The following MARCHF3 variants were observed in gnomAD, a reference collection of about 807,000 sequenced individuals.
The protein encoded by MARCHF3 is E3 ubiquitin-protein ligase MARCHF3.
MARCHF3 carries 13 observed loss-of-function variants against 24.2 expected under a neutral mutation model. The observed-to-expected ratio is 0.54, with a 90% CI of 0.35 to 0.85. The LOEUF is 0.85. Ranked by LOEUF, MARCHF3 falls within the 40% of genes least tolerant of loss-of-function variation. The pLI is 0.01. For synonymous variants in MARCHF3, 144 were observed against 137.3 expected, an observed-to-expected ratio of 1.05 and a Z score of -0.34; for missense variants, 276 against 325.0, an observed-to-expected ratio of 0.85 and a Z score of 1.16.
chr5:126,932,886 C>G (rs1289652386), intron 1 of MARCHF3, among the ~76,000 whole-genome samples: 2 of 152,104 alleles, frequency 1.3e-5, no homozygotes, highest in African/African-American at 2.4e-5. Context: ...ATGAATGGTC[C>G]TATTTTTTTC....
At chr5:127,005,110 A>C (rs74495744) in intron 1 of MARCHF3, among the ~76,000 whole-genome samples, 3,045 of 151,732 alleles carry the variant, frequency 0.02, 74 homozygotes, top group South Asian at 0.12. Context: ...CAAAGCCTGG[A>C]ATGACATACA....
chr5:126,897,942 C>G (rs1391853804), intron 3 of MARCHF3, among the ~76,000 whole-genome samples: 1 of 152,008 alleles, frequency 6.6e-6, no homozygotes, highest in East Asian at 1.9e-4. Context: ...AAGCCAATCA[C>G]AAAGGTCCAC....
At chr5:126,946,761 G>GGCGTGTGTGT (rs1186024076) in intron 1 of MARCHF3, among the ~76,000 whole-genome samples, 1 of 135,946 alleles carries the variant, frequency 7.4e-6, no homozygotes, top group Admixed American at 7.4e-5. Context: ...TGTAAGTAGG[G>GGCGTGTGTGT]GTGTGTGTGT....
chr5:126,974,701 C>T (rs573400932), intron 1 of MARCHF3, among the ~76,000 whole-genome samples: 1 of 152,294 alleles, frequency 6.6e-6, no homozygotes, highest in Admixed American at 6.5e-5. Context: ...CAGATCACCA[C>T]ACACAAGTTA....
chr5:127,026,340 C>T (rs573690797), intron 1 of MARCHF3, among the ~76,000 whole-genome samples: 1 of 152,168 alleles, frequency 6.6e-6, no homozygotes, highest in Non-Finnish European at 1.5e-5. Flanking sequence ...ACATTAGCAG[C>T]TTAACATGAC....
intron 1 of MARCHF3, among the ~76,000 whole-genome samples, chr5:127,005,878 G>A (rs760040251): frequency 6.6e-6 from 1 of 151,954 alleles, no homozygotes; most frequent in Non-Finnish European, 1.5e-5. Flanking sequence ...CATTACAAAA[G>A]CATGAAATAA....
intron 1 of MARCHF3, among the ~76,000 whole-genome samples, chr5:127,000,977 C>T (rs10463826): frequency 0.46 from 69,851 of 151,884 alleles, 16,576 homozygotes; most frequent in East Asian, 0.67. Flanking sequence ...TGGTGGCTCA[C>T]GCCTGTAACC....
At chr5:126,998,188 A>G (rs368859267) in intron 1 of MARCHF3, among the ~76,000 whole-genome samples, 1 of 152,290 alleles carries the variant, frequency 6.6e-6, no homozygotes, top group East Asian at 1.9e-4. Flanking sequence ...CAAGGGGAAG[A>G]GAGGATTATG....
At chr5:126,978,738 C>T (rs180982121) in intron 1 of MARCHF3, among the ~76,000 whole-genome samples, 1 of 152,326 alleles carries the variant, frequency 6.6e-6, no homozygotes, top group Non-Finnish European at 1.5e-5. Flanking sequence ...CTATGAGCGG[C>T]TCTCTCTCTT....
At chr5:126,897,062 G>T (rs575299755) in intron 3 of MARCHF3, among the ~76,000 whole-genome samples, 2 of 33,010 alleles carry the variant, frequency 6.1e-5, no homozygotes, top group East Asian at 2.5e-3. Flanking sequence ...TTTTTGAGAT[G>T]GAGTTTCACT....
intron 3 of MARCHF3, among the ~76,000 whole-genome samples, chr5:126,898,003 G>A (rs866642047): frequency 1.2e-4 from 19 of 152,060 alleles, no homozygotes; most frequent in African/African-American, 4.6e-4. Context: ...CAAATCCATA[G>A]AGGCTGAAGA....
At chr5:126,942,962 G>GA (rs1284232736) in intron 1 of MARCHF3, among the ~76,000 whole-genome samples, 1 of 152,004 alleles carries the variant, frequency 6.6e-6, no homozygotes, top group African/African-American at 2.4e-5. Flanking sequence ...GTCAAACACT[G>GA]AAAAAAAGAG....
intron 1 of MARCHF3, among the ~76,000 whole-genome samples, chr5:127,013,050 C>T (rs1291927392): frequency 6.6e-6 from 1 of 152,170 alleles, no homozygotes; most frequent in African/African-American, 2.4e-5. Context: ...TCTGTGGCTA[C>T]ACCAGCTAGA....
At chr5:126,977,567 C>T (rs1349072106) in intron 1 of MARCHF3, among the ~76,000 whole-genome samples, 1 of 152,154 alleles carries the variant, frequency 6.6e-6, no homozygotes, top group East Asian at 1.9e-4. Flanking sequence ...CACACCGTTG[C>T]TTGGAAGATA....
chr5:126,947,423 A>C (rs1358980055), intron 1 of MARCHF3, among the ~76,000 whole-genome samples: 2 of 152,356 alleles, frequency 1.3e-5, no homozygotes, highest in Non-Finnish European at 2.9e-5. Context: ...GAGGAGAATG[A>C]ACAAGAGGAG....
In MARCHF3 at chr5:126,869,007, C is replaced by T. The variant is rs1033310584; in HGVS notation, c.*1626G>A. On this transcript the variant is annotated 3_prime_UTR_variant, in exon 5 of 5. Coordinates refer to ENST00000308660, the MANE Select transcript of MARCHF3 (RefSeq NM_178450.5). Reference sequence around the variant, plus strand: ...GCGTGGTGGGGAGGAAATCTATTGTCACAAGCCATAAAGCACATCTGAGTT... The same window carrying T: ...GCGTGGTGGGGAGGAAATCTATTGTTACAAGCCATAAAGCACATCTGAGTT... 2.0e-5 allele frequency: 3 copies of T among 152,210 alleles called. No individual in the cohort carries two copies. Among genetic ancestry groups the T allele is most frequent in the Non-Finnish European group, 4.4e-5 (3 of 68,082 alleles). The allele number at this position is 152,210 out of a possible 1,614,324, so 9.4% of individuals were successfully genotyped here.
chr5:126,982,702 C>A lies in MARCHF3; in HGVS notation c.-57+47648G>T, dbSNP rs777879802. ...AGCTGTAACATCTGGGGCACATCAA[C>A]TCTCTACTCTAGATTTTCACATTTG... On this transcript the variant is annotated intron_variant, in intron 1 of 4. Transcript: ENST00000308660. Among the ~76,000 whole-genome samples the A allele has an allele frequency of 2.2e-4, 34 of 152,328 alleles. 1 individual carries two copies. Among genetic ancestry groups the A allele is most frequent in the Non-Finnish European group, 4.1e-4 (28 of 68,030 alleles).
intron 1 of MARCHF3, among the ~76,000 whole-genome samples, chr5:126,980,375 CTTT>C (rs113887843): frequency 1.4e-5 from 2 of 142,854 alleles, no homozygotes; most frequent in African/African-American, 2.6e-5. Flanking sequence ...TGATTCATTC[CTTT>C]TTTTTTTTTT....
intron 1 of MARCHF3, among the ~76,000 whole-genome samples, chr5:126,944,699 T>C (rs963525032): frequency 2.0e-5 from 3 of 152,186 alleles, no homozygotes; most frequent in Non-Finnish European, 4.4e-5. Context: ...GGACTAGAAC[T>C]CAGAAGACCT....
Sources: allele counts gnomAD v4.1 joint callset (sites outside exome capture counted in the v4.1 genomes callset), GRCh38; gene constraint gnomAD v4.1.1; transcripts MANE v1.5; gene names NCBI Gene and HGNC (gene_info 2026-07-23, HGNC 2026-07-21).